SPAG16: variants seen among roughly 807,000 people sequenced by gnomAD.
SPAG16 encodes sperm-associated antigen 16 protein.
SPAG16 carries 86 observed loss-of-function variants against 80.4 expected under a neutral mutation model. The observed-to-expected ratio is 1.07, with a 90% CI of 0.90 to 1.28. The LOEUF (loss-of-function observed/expected upper bound fraction) is 1.28, where lower values mean the gene tolerates loss of function less well. Among genes scored for constraint, SPAG16 ranks in the 50% most tolerant of loss-of-function variants. SPAG16 has a pLI of 0.00. For missense variants in SPAG16, 870 were observed against 765.3 expected, an observed-to-expected ratio of 1.14 and a Z score of -1.61; for synonymous variants, 294 against 265.9, an observed-to-expected ratio of 1.11 and a Z score of -1.03.
At chr2:213,704,789 A>T (rs1310615015) in intron 10 of SPAG16, among the ~76,000 whole-genome samples, 1 of 152,206 alleles carries the variant, frequency 6.6e-6, no homozygotes, top group Admixed American at 6.5e-5. Context: ...ATTGGAGAGT[A>T]TTAAGAATGG....
chr2:213,929,568 T>G (rs2078654928), intron 11 of SPAG16, among the ~76,000 whole-genome samples: 2 of 152,210 alleles, frequency 1.3e-5, no homozygotes, highest in Non-Finnish European at 2.9e-5. Flanking sequence ...TGTTTCATAT[T>G]GTATTATGTT....
chr2:213,311,938 A>T (rs1212314790), intron 4 of SPAG16, among the ~76,000 whole-genome samples: 1 of 151,468 alleles, frequency 6.6e-6, no homozygotes, highest in African/African-American at 2.4e-5. Flanking sequence ...TGGGCAGTAA[A>T]ATTTGATATA....
At chr2:213,999,606 C>A (rs1273908644) in intron 12 of SPAG16, among the ~76,000 whole-genome samples, 1 of 152,226 alleles carries the variant, frequency 6.6e-6, no homozygotes, top group Non-Finnish European at 1.5e-5. Context: ...GGGCCACCGT[C>A]TTCCAGACCC....
At chr2:213,612,492 T>G (rs1432069979) in intron 10 of SPAG16, among the ~76,000 whole-genome samples, 6 of 152,302 alleles carry the variant, frequency 3.9e-5, no homozygotes, top group Admixed American at 3.9e-4. Flanking sequence ...TATTTTAAAC[T>G]TAACATGTGC....
intron 10 of SPAG16, among the ~76,000 whole-genome samples, chr2:213,810,076 T>C (rs1401220148): frequency 6.6e-6 from 1 of 152,124 alleles, no homozygotes; most frequent in Non-Finnish European, 1.5e-5. Context: ...ATTCTCTCTG[T>C]TTAAGAAGTT....
chr2:214,039,690 A>C (rs72935964), intron 13 of SPAG16, among the ~76,000 whole-genome samples: 23,309 of 152,204 alleles, frequency 0.15, 2,468 homozygotes, highest in Non-Finnish European at 0.22. Context: ...ACTGGCTATA[A>C]AATTTTTCAT....
chr2:214,196,076 T>G (rs1001387350), intron 15 of SPAG16, among the ~76,000 whole-genome samples: 1 of 151,964 alleles, frequency 6.6e-6, no homozygotes, highest in Admixed American at 6.6e-5. Flanking sequence ...TAATGAAAAT[T>G]TCAGGCCCTT....
intron 13 of SPAG16, among the ~76,000 whole-genome samples, chr2:214,073,274 A>G (rs968969052): frequency 6.9e-6 from 1 of 145,502 alleles, no homozygotes; most frequent in Non-Finnish European, 1.5e-5. Context: ...GTCTTGCTCT[A>G]TCACCAGGCT....
intron 15 of SPAG16, among the ~76,000 whole-genome samples, chr2:214,397,674 A>C (rs1021184558): frequency 1.3e-5 from 2 of 152,204 alleles, no homozygotes; most frequent in Non-Finnish European, 2.9e-5. Flanking sequence ...AACTAGATGC[A>C]ATTTATTTGC....
intron 15 of SPAG16, among the ~76,000 whole-genome samples, chr2:214,384,579 A>G (rs922356941): frequency 2.0e-5 from 3 of 152,228 alleles, no homozygotes; most frequent in South Asian, 2.1e-4. Context: ...TGAATAATGT[A>G]TAAGAATTTC....
chr2:213,592,070 G>T (rs899909453), intron 10 of SPAG16, among the ~76,000 whole-genome samples: 1 of 152,100 alleles, frequency 6.6e-6, no homozygotes, highest in African/African-American at 2.4e-5. Context: ...AATTATGTTT[G>T]AAATTTTATT....
intron 10 of SPAG16, among the ~76,000 whole-genome samples, chr2:213,502,959 A>C (rs555873017): frequency 6.6e-6 from 1 of 152,212 alleles, no homozygotes; most frequent in African/African-American, 2.4e-5. Flanking sequence ...TAGTCAAGTC[A>C]TATGTACAAC....
At chr2:213,735,777 A>T (rs1447644057) in intron 10 of SPAG16, among the ~76,000 whole-genome samples, 1 of 152,240 alleles carries the variant, frequency 6.6e-6, no homozygotes, top group Non-Finnish European at 1.5e-5. Flanking sequence ...ATAGCTAGTC[A>T]GTCTCTGCCA....
intron 1 of SPAG16, among the ~76,000 whole-genome samples, chr2:213,293,212 AT>A (rs1180415104): frequency 6.6e-6 from 1 of 152,116 alleles, no homozygotes; most frequent in Non-Finnish European, 1.5e-5. Flanking sequence ...TTCCGCCATG[AT>A]TGTAAGTTTC....
intron 10 of SPAG16, among the ~76,000 whole-genome samples, chr2:213,711,811 C>T (rs1030987056): frequency 2.6e-5 from 4 of 152,134 alleles, no homozygotes; most frequent in South Asian, 2.1e-4. Context: ...TGAGCCACCA[C>T]GCCCGACCCG....
Position 214,301,763 on chromosome 2 carries a change from T to C in SPAG16, c.1721-108377T>C, listed in dbSNP as rs373364149. ...TCACTGATCCTTTGTATTATGTTTT[T>C]TATTTCAGTCTCATTTATTTCTCCT... On this transcript the variant is annotated intron_variant, in intron 15 of 15. Transcript: ENST00000331683. Among the ~76,000 whole-genome samples the C allele has an allele frequency of 4.6e-5, 7 of 152,172 alleles. No individual in the cohort carries two copies. In the East Asian group the frequency reaches 5.8e-4, roughly 13 times the overall value.
chr2:213,983,563 A>G (rs1472054976), intron 12 of SPAG16, among the ~76,000 whole-genome samples: 3 of 152,028 alleles, frequency 2.0e-5, no homozygotes, highest in African/African-American at 4.8e-5. Flanking sequence ...TTGTGATGGT[A>G]CTTTGAAAGG....
rs1260587538 is a variant in SPAG16 at position 213,786,478 on chromosome 2, T to G, written c.1071-76007T>G. On this transcript the variant is annotated intron_variant, in intron 10 of 15. Transcript: ENST00000331683. ...GGATTTTAGCTAGCCATACAGAAAC[T>G]GTGAGGTTAAAAACATGGATTTTTC... Among the ~76,000 whole-genome samples, 4 of 152,212 alleles carry G rather than the reference T, an allele frequency of 2.6e-5. No homozygotes were observed. The East Asian group carries it at 7.7e-4, about 29-fold the overall frequency.
intron 9 of SPAG16, among the ~76,000 whole-genome samples, chr2:213,377,720 C>T (rs1023304394): frequency 6.6e-6 from 1 of 151,860 alleles, no homozygotes; most frequent in African/African-American, 2.4e-5. Context: ...GTTGAAGGTG[C>T]AAGGAGGGAG....
Sources: allele counts gnomAD v4.1 joint callset (sites outside exome capture counted in the v4.1 genomes callset), GRCh38; gene constraint gnomAD v4.1.1; transcripts MANE v1.5; gene names NCBI Gene and HGNC (gene_info 2026-07-23, HGNC 2026-07-21).